Variants in MAP4K4 observed in about 807,000 individuals in gnomAD.
The protein encoded by MAP4K4 is mitogen-activated protein kinase kinase kinase kinase 4.
Under a neutral mutation model 189.6 loss-of-function variants are expected in MAP4K4, and 38 were observed. That is an observed-to-expected ratio of 0.20 (90% CI 0.15 to 0.26). The LOEUF is 0.26. MAP4K4 is among the 10% of genes least tolerant of loss of function. MAP4K4 has a pLI of 1.00. For synonymous variants in MAP4K4, 610 were observed against 624.3 expected, an observed-to-expected ratio of 0.98 and a Z score of 0.34; for missense variants, 1,054 against 1,726.9, an observed-to-expected ratio of 0.61 and a Z score of 6.91.
chr2:101,815,529 C>A (rs892582016), intron 3 of MAP4K4, among the ~76,000 whole-genome samples: 1 of 152,102 alleles, frequency 6.6e-6, no homozygotes, highest in East Asian at 1.9e-4. Flanking sequence ...CTTTCCCCCC[C>A]TCTCTCATAT....
intron 2 of MAP4K4, among the ~76,000 whole-genome samples, chr2:101,730,904 G>A (rs181179217): frequency 6.6e-5 from 10 of 151,562 alleles, no homozygotes; most frequent in East Asian, 6.0e-4. Flanking sequence ...AAAATTAGCC[G>A]GGCACGATGG....
At chr2:101,822,383 A>G (rs972616319) in intron 3 of MAP4K4, among the ~76,000 whole-genome samples, 1 of 152,210 alleles carries the variant, frequency 6.6e-6, no homozygotes, top group African/African-American at 2.4e-5. Flanking sequence ...TATGTAGTGC[A>G]TGACTGTAGT....
At chr2:101,746,086 G>T (rs2065417693) in intron 2 of MAP4K4, among the ~76,000 whole-genome samples, 1 of 151,736 alleles carries the variant, frequency 6.6e-6, no homozygotes, top group South Asian at 2.1e-4. Context: ...GAACTCCAGG[G>T]CTCAAGTGAT....
chr2:101,698,327 C>T, intron 1 of MAP4K4, 146 bp from the exon 2 acceptor site: 2 of 813,890 alleles, frequency 2.5e-6, no homozygotes, highest in African/African-American at 1.8e-5. Flanking sequence ...GCCCCGAGCC[C>T]GCCGCGCGAC....
intron 2 of MAP4K4, among the ~76,000 whole-genome samples, chr2:101,759,443 TTTTCCCTTTGCCA>T (rs1181800004): frequency 2.7e-5 from 4 of 149,740 alleles, no homozygotes; most frequent in South Asian, 2.1e-4. Flanking sequence ...TTCCCTTTTC[TTTTCCCTTTGCCA>T]TTTCCCTTTC....
intron 17 of MAP4K4, among the ~76,000 whole-genome samples, chr2:101,864,708 A>G (rs1409359787): frequency 6.6e-6 from 1 of 152,208 alleles, no homozygotes; most frequent in Non-Finnish European, 1.5e-5. Context: ...TTACAGGAGC[A>G]TAGAAAGCCT....
chr2:101,848,018 A>G (rs1161281581), intron 12 of MAP4K4, among the ~76,000 whole-genome samples: 1 of 152,230 alleles, frequency 6.6e-6, no homozygotes, highest in Non-Finnish European at 1.5e-5. Flanking sequence ...CATCCTGTGC[A>G]GGTTTGTAGC....
rs760213469 is a variant in MAP4K4, at chr2:101,859,905, G to A, written c.1704+41G>A. ...TGTCACTTAGACATTGCCCTGGAAA[G>A]TCGTATAACGACTCTTCAGAACTGT... On this transcript the variant is annotated intron_variant, in intron 15 of 32. Coordinates refer to ENST00000324219, the Ensembl canonical transcript of MAP4K4. 25 of 1,542,390 alleles carry A rather than the reference G, an allele frequency of 1.6e-5. No individual in the cohort carries two copies. In the African/African-American group the frequency reaches 3.3e-4, roughly 20 times the overall value.
intron 2 of MAP4K4, among the ~76,000 whole-genome samples, chr2:101,742,627 C>T (rs2149791629): frequency 6.6e-6 from 1 of 152,304 alleles, no homozygotes; most frequent in Non-Finnish European, 1.5e-5. Flanking sequence ...TCTGGCCCCA[C>T]TTTCTTTTTA....
At chr2:101,705,190 T>C (rs1452412129) in intron 2 of MAP4K4, among the ~76,000 whole-genome samples, 1 of 152,210 alleles carries the variant, frequency 6.6e-6, no homozygotes, top group African/African-American at 2.4e-5. Flanking sequence ...GAAAAACGAT[T>C]AACCATATAA....
intron 2 of MAP4K4, among the ~76,000 whole-genome samples, chr2:101,745,972 TTGTGTGTGTGTGTGTGTGTG>T: frequency 6.8e-6 from 1 of 146,600 alleles, no homozygotes; most frequent in South Asian, 2.2e-4. Flanking sequence ...CCTGTTTCCT[TTGTGTGTGTGTGTGTGTGTG>T]TGTGTGTGTG....
chr2:101,803,454 C>T (rs566972159), intron 3 of MAP4K4, among the ~76,000 whole-genome samples: 1 of 152,240 alleles, frequency 6.6e-6, no homozygotes, highest in African/African-American at 2.4e-5. Flanking sequence ...TGTGTCCATT[C>T]CTTTGAAACA....
intron 15 of MAP4K4, 148 bp downstream of exon 15, chr2:101,860,012 G>A (rs2097589155): frequency 2.4e-6 from 2 of 827,088 alleles, no homozygotes; most frequent in South Asian, 3.3e-5. Context: ...TTGAATTTCA[G>A]AGGAGTGGAG....
At chr2:101,818,627 C>T (rs1346105208) in intron 3 of MAP4K4, among the ~76,000 whole-genome samples, 2 of 152,178 alleles carry the variant, frequency 1.3e-5, no homozygotes, top group African/African-American at 4.8e-5. Flanking sequence ...ACACTCATAC[C>T]ATGCACTCCT....
chr2:101,724,777 C>T (rs1184393811), intron 2 of MAP4K4, among the ~76,000 whole-genome samples: 1 of 152,142 alleles, frequency 6.6e-6, no homozygotes, highest in Non-Finnish European at 1.5e-5. Flanking sequence ...GCCCAGAAAT[C>T]TGTATTTTTT....
chr2:101,771,627 A>G (rs1036231325), intron 2 of MAP4K4, among the ~76,000 whole-genome samples: 4 of 152,162 alleles, frequency 2.6e-5, no homozygotes, highest in African/African-American at 9.7e-5. Context: ...GAATTTTGTT[A>G]AATCCACTCT....
At chr2:101,873,079 G>A (rs1041391591) in intron 24 of MAP4K4, among the ~76,000 whole-genome samples, 5 of 151,978 alleles carry the variant, frequency 3.3e-5, no homozygotes, top group Non-Finnish European at 5.9e-5. Flanking sequence ...AAAAAGATAC[G>A]CCTTCTTTTG....
chr2:101,764,655 G>A (rs570214429), intron 2 of MAP4K4, among the ~76,000 whole-genome samples: 4 of 152,262 alleles, frequency 2.6e-5, no homozygotes, highest in African/African-American at 4.8e-5. Context: ...AATTGTGTCT[G>A]CTTTTAAAGC....
chr2:101,876,581 T>A (rs1052089583), intron 26 of MAP4K4, among the ~76,000 whole-genome samples: 6 of 152,128 alleles, frequency 3.9e-5, no homozygotes, highest in African/African-American at 1.4e-4. Flanking sequence ...GATTTGCCAA[T>A]GAAAGATGAG....
Sources: allele counts gnomAD v4.1 joint callset (sites outside exome capture counted in the v4.1 genomes callset), GRCh38; gene constraint gnomAD v4.1.1; transcripts MANE v1.5; gene names NCBI Gene and HGNC (gene_info 2026-07-23, HGNC 2026-07-21).